Variants in ATPAF2 observed in about 807,000 individuals in gnomAD.
ATPAF2 encodes ATP synthase mitochondrial F1 complex assembly factor 2.
Under a neutral mutation model 36.6 loss-of-function variants are expected in ATPAF2, and 30 were observed. The ratio of observed to expected loss-of-function variants is 0.82; its 90% CI spans 0.61 to 1.11. ATPAF2 has a LOEUF of 1.11. ATPAF2 is among the 50% of genes most tolerant of loss of function. The pLI, the probability that ATPAF2 is intolerant of heterozygous loss-of-function variation, is 0.00. For synonymous variants in ATPAF2, 140 were observed against 152.6 expected (o/e 0.92, Z 0.61); for missense variants, 321 against 372.3 (o/e 0.86, Z 1.13).
At position 18,021,826 on chromosome 17, in the gene ATPAF2, T is replaced by C. The variant is rs762546188; in HGVS notation, c.535A>G (p.Ile179Val). 1.2e-6 allele frequency: 2 copies of C among 1,614,208 alleles called. No individual in the cohort carries two copies. The highest frequency in any genetic ancestry group is 8.5e-7 in the Non-Finnish European group (1 of 1,180,032). Residue 179 changes from isoleucine (I) to valine (V), a missense_variant, in exon 6 of 8, where the codon ATA becomes GTA. Transcript: ENST00000474627. ...YGVEISSSTS[I>V]MGPSIPAKTR... The stretch of plus-strand genomic sequence containing the variant: ...TTGGCAGGGATGCTGGGTCCCATTA[T>C]GCTGGTGGAGGAGCTGATCTCCACG...
At chr17:18,032,277 G>C (rs1349148325) in intron 1 of ATPAF2, among the ~76,000 whole-genome samples, 1 of 152,260 alleles carries the variant, frequency 6.6e-6, no homozygotes, top group Non-Finnish European at 1.5e-5. Context: ...GGAACTGCCA[G>C]CACAGGGCTG....
At chr17:18,025,656 G>C in intron 4 of ATPAF2, 1 of 157,046 alleles carries the variant, frequency 6.4e-6, no homozygotes, top group Non-Finnish European at 1.4e-5. Flanking sequence ...CTTTTTGTCT[G>C]AGCTAGGTTG....
At chr17:18,016,006 C>CT, downstream of ATPAF2, 1 of 1,589,824 alleles carries the variant, frequency 6.3e-7, no homozygotes, top group South Asian at 1.1e-5. Flanking sequence ...GTTCAGCTCC[C>CT]TTTGTGTTCA....
At chr17:18,015,830 T>C (rs2044340528), downstream of ATPAF2, 2 of 473,954 alleles carry the variant, frequency 4.2e-6, no homozygotes, top group Admixed American at 6.8e-5. Flanking sequence ...GACTGCAAAG[T>C]AACACCCTGG....
chr17:18,026,739 G>C lies in ATPAF2; in HGVS notation c.325-323C>G. On this transcript the variant is annotated intron_variant, in intron 3 of 7. Coordinates refer to ENST00000474627, the MANE Select transcript of ATPAF2 (RefSeq NM_145691.4). ...ATTTAATCCTCACAACAACCTTTTGGAGTAGGTACTATTATTATGTCCATC... is the reference window on the plus strand; with the variant it reads ...ATTTAATCCTCACAACAACCTTTTGCAGTAGGTACTATTATTATGTCCATC... The C allele has an allele frequency of 1.4e-5, 6 of 436,022 alleles. No individual in the cohort carries two copies. In the South Asian group the frequency reaches 1.4e-4, roughly 10 times the overall value. 27.0% of individuals were successfully genotyped at this position (436,022 alleles called of 1,614,324 possible).
chr17:18,030,830 C>CTT lies in ATPAF2; in HGVS notation c.134-2173_134-2172dup, dbSNP rs34365252. ...CTACAGGCGCCGCCACCACGCCTGG[C>CTT]TTTTTTTTTTTTTTTTTTTTTTTTA... On this transcript the variant is annotated intron_variant, in intron 1 of 7. Transcript: ENST00000474627. 1.6e-3 allele frequency among the ~76,000 whole-genome samples: 129 copies of CTT among 80,090 alleles called. 2 individuals carry two copies. Among genetic ancestry groups the CTT allele is most frequent in the African/African-American group, 5.2e-3 (110 of 21,026 alleles). The allele number at this position is 80,090 out of a possible 152,430, so 52.5% of individuals were successfully genotyped here.
downstream of ATPAF2, chr17:18,016,015 C>T: frequency 6.3e-7 from 1 of 1,599,222 alleles, no homozygotes; most frequent in South Asian, 1.1e-5. Context: ...CCTTTGTGTT[C>T]ACGGTATAAT....
rs751328974 is a variant in ATPAF2, at chr17:18,018,719, G to A, written c.733-33C>T. The A allele has an allele frequency of 2.5e-6, 4 of 1,613,522 alleles. No individual in the cohort carries two copies. The Admixed American group carries it at 5.0e-5, about 20-fold the overall frequency. On this transcript the variant is annotated intron_variant, in intron 7 of 7. Coordinates refer to ENST00000474627, the MANE Select transcript of ATPAF2 (RefSeq NM_145691.4). The stretch of plus-strand genomic sequence containing the variant: ...AAGGACAAGACAAGTTGCTGGGTGA[G>A]TGGCCAGTGCCTGGCTGCCTCCTGA...
chr17:18,028,993 G>A (rs546206858), intron 1 of ATPAF2, among the ~76,000 whole-genome samples: 35 of 152,248 alleles, frequency 2.3e-4, no homozygotes, highest in Admixed American at 9.8e-4. Context: ...CCAGCACAAC[G>A]AGTTCAAACC....
intron 1 of ATPAF2, among the ~76,000 whole-genome samples, chr17:18,038,263 C>T (rs1399606456): frequency 6.6e-6 from 1 of 152,186 alleles, no homozygotes; most frequent in African/African-American, 2.4e-5. Context: ...ACACCACTCA[C>T]CATCAGCAAT....
rs1162130285 is a variant in ATPAF2, at chr17:18,030,320, CAAAAAAAAAA to C, written c.134-1671_134-1662del. Among the ~76,000 whole-genome samples the C allele has an allele frequency of 3.9e-4, 25 of 64,092 alleles. No homozygotes were observed. The South Asian group carries it at 5.1e-3, about 13-fold the overall frequency. 42.0% of individuals were successfully genotyped at this position (64,092 alleles called of 152,430 possible). On this transcript the variant is annotated intron_variant, in intron 1 of 7. Transcript: ENST00000474627. ...TGGGTGGCAGAGCAAGACTCCATCT[CAAAAAAAAAA>C]AAAAAAAAAAAAAGAAAAATTAAAA... is the stretch of plus-strand genomic sequence containing the variant.
chr17:18,016,712 A>G, downstream of ATPAF2: 1 of 1,352,278 alleles, frequency 7.4e-7, no homozygotes, highest in Non-Finnish European at 1.1e-6. Flanking sequence ...ACATAGCACC[A>G]GCCCCAGCCA....
intron 7 of ATPAF2, 183 bp downstream of exon 7, chr17:18,020,940 T>C (rs2044460727): frequency 1.4e-6 from 2 of 1,405,496 alleles, no homozygotes; most frequent in Admixed American, 5.5e-5. Context: ...GGATTACAGG[T>C]GTGAACCACC....
intron 5 of ATPAF2, among the ~76,000 whole-genome samples, chr17:18,022,864 GCCTGTAAT>G (rs1568568663): frequency 6.6e-6 from 1 of 152,036 alleles, no homozygotes; most frequent in African/African-American, 2.4e-5. Context: ...GGTGGCTCAT[GCCTGTAAT>G]CCCAGCACTT....
rs375006699 is a variant in ATPAF2, at chr17:18,034,417, AC to A, written c.133+4463del. On this transcript the variant is annotated intron_variant, in intron 1 of 7. Coordinates refer to ENST00000474627, the MANE Select transcript of ATPAF2 (RefSeq NM_145691.4). ...CAAGACCCCCTCTCTTTAAAAAAAA[AC>A]AATGGTCAAGGGATCTGAATAGACG... Among the ~76,000 whole-genome samples the A allele has an allele frequency of 4.5e-4, 68 of 152,330 alleles. No individual in the cohort carries two copies. In the East Asian group the frequency reaches 9.8e-3, roughly 22 times the overall value.
rs1457221584 is a variant in ATPAF2 at position 18,038,926 on chromosome 17, C to A, written c.88G>T (p.Gly30Trp). Residue 30 changes from glycine to tryptophan, a missense_variant, in exon 1 of 8, where the codon GGG becomes TGG. Gly to Trp is a radical substitution (Grantham distance 184, BLOSUM62 -2). Around this residue, in one of 3 missense-constraint regions of ATPAF2, gnomAD observed 69 missense variants for 60.1 expected, o/e 1.15. Transcript: ENST00000474627. Reference protein sequence around the residue: ...AGGPSASMSPGPTIPSPARAY... With the variant: ...AGGPSASMSPWPTIPSPARAY... ...CGGGCTGGAGACGGGATGGTTGGCC[C>A]CGGACTCATAGAAGCGCTGGGGCCA... The A allele has an allele frequency of 3.1e-5, 50 of 1,613,804 alleles. No individual in the cohort carries two copies. Among genetic ancestry groups the A allele is most frequent in the Non-Finnish European group, 4.2e-5 (50 of 1,179,920 alleles).
chr17:18,017,085 T>A (rs527589759), downstream of ATPAF2, among the ~76,000 whole-genome samples: 4 of 135,816 alleles, frequency 2.9e-5, no homozygotes, highest in Admixed American at 8.9e-5. Flanking sequence ...GGCAGGAGAA[T>A]CACTTGAACC....
intron 3 of ATPAF2, chr17:18,026,917 C>A (rs900515407): frequency 5.9e-6 from 1 of 170,276 alleles, no homozygotes; most frequent in East Asian, 1.6e-4. Flanking sequence ...CCATGCAAAT[C>A]GGGATCAAGA....
rs1483427443 is a variant in ATPAF2 at position 18,026,381 on chromosome 17, G to C, written c.360C>G (p.Thr120=). ...TLCNTSLDNP[T]QRNKDQLIRA... is the part of the protein sequence containing the mutation. ...GGATCAGCTGATCCTTGTTTCTCTGGGTTGGGTTGTCCAATGATGTGTTGC... is the reference window on the plus strand; with the variant it reads ...GGATCAGCTGATCCTTGTTTCTCTGCGTTGGGTTGTCCAATGATGTGTTGC... Residue 120 remains threonine (T), a synonymous_variant, in exon 4 of 8, where the codon ACC becomes ACG. Transcript: ENST00000474627. The C allele has an allele frequency of 6.2e-7, 1 of 1,614,178 alleles. No homozygotes were observed. The highest frequency in any genetic ancestry group is 2.2e-5 in the East Asian group (1 of 44,886).
Sources: gnomAD v4.1 joint callset for allele counts (sites outside exome capture counted in the v4.1 genomes callset) on GRCh38, gnomAD v4.1.1 for gene constraint, gnomAD v4.1.1 regional missense constraint, MANE v1.5 for transcripts, NCBI Gene and HGNC (gene_info 2026-07-23, HGNC 2026-07-21) for gene names.